ZDHHC11B: variants seen among roughly 807,000 people sequenced by gnomAD.
The protein encoded by ZDHHC11B is probable palmitoyltransferase ZDHHC11B.
Under a neutral mutation model 42.3 loss-of-function variants are expected in ZDHHC11B, and 17 were observed. The observed-to-expected ratio is 0.40, with a 90% confidence interval of 0.27 to 0.60. ZDHHC11B has a LOEUF of 0.60. ZDHHC11B is among the 20% of genes least tolerant of loss of function. The pLI, the probability that ZDHHC11B is intolerant of heterozygous loss-of-function variation, is 0.41. For missense variants in ZDHHC11B, 262 were observed against 463.2 expected (o/e 0.57, Z 3.99); for synonymous variants, 123 against 193.5 (o/e 0.64, Z 3.02).
Position 716,899 on chromosome 5 carries a change from G to A in ZDHHC11B, c.1059-34C>T, listed in dbSNP as rs539902785. Reference sequence around the variant, plus strand: ...AATATTCAGAAAGAGAGACAACAGAGAACGTATGATGTAATACTTGTTATA... The same window carrying A: ...AATATTCAGAAAGAGAGACAACAGAAAACGTATGATGTAATACTTGTTATA... On this transcript the variant is annotated intron_variant, in intron 12 of 13. Transcript: ENST00000508859. 34 of 1,612,364 alleles carry A rather than the reference G, an allele frequency of 2.1e-5. 1 individual carries two copies. The Admixed American group carries it at 4.0e-4, about 19-fold the overall frequency.
chr5:761,210 CAGG>C (rs1322930046), intron 4 of ZDHHC11B, among the ~76,000 whole-genome samples: 4 of 151,882 alleles, frequency 2.6e-5, no homozygotes, highest in Non-Finnish European at 5.9e-5. Flanking sequence ...AGGTGCAATA[CAGG>C]AGGACACCCG....
At chr5:759,962 CG>C (rs1396766603) in intron 4 of ZDHHC11B, among the ~76,000 whole-genome samples, 1 of 151,868 alleles carries the variant, frequency 6.6e-6, no homozygotes, top group East Asian at 1.9e-4. Flanking sequence ...GGAGTGCAGC[CG>C]GGGATGCCGT....
At chr5:715,814 G>C (rs1416764493) in intron 13 of ZDHHC11B, among the ~76,000 whole-genome samples, 46 of 151,416 alleles carry the variant, frequency 3.0e-4, no homozygotes, top group African/African-American at 1.1e-3. Flanking sequence ...GTGCTGGTCA[G>C]GGCTGTGCTG....
chr5:773,477 C>T (rs1736219895), intron 1 of ZDHHC11B, among the ~76,000 whole-genome samples: 1 of 151,524 alleles, frequency 6.6e-6, no homozygotes, highest in Admixed American at 6.6e-5. Context: ...CCTGAACCTC[C>T]AGGGGGTCGC....
intron 9 of ZDHHC11B, among the ~76,000 whole-genome samples, chr5:743,802 T>G (rs1561139970): frequency 6.7e-6 from 1 of 149,896 alleles, no homozygotes; most frequent in African/African-American, 2.5e-5. Flanking sequence ...CTTTTTAGGT[T>G]TCATCGTCTG....
At chr5:737,185 C>T (rs1168459235) in intron 10 of ZDHHC11B, among the ~76,000 whole-genome samples, 2 of 148,720 alleles carry the variant, frequency 1.3e-5, no homozygotes, top group Non-Finnish European at 3.0e-5. Context: ...ATATGAACAC[C>T]GTTATGCACA....
At chr5:754,180 A>G (rs1579365525) in intron 6 of ZDHHC11B, among the ~76,000 whole-genome samples, 2 of 112,400 alleles carry the variant, frequency 1.8e-5, no homozygotes, top group East Asian at 4.8e-4. Flanking sequence ...CAGGGGAAAC[A>G]TCTCTCGTCT....
chr5:727,284 C>G (rs366598), intron 12 of ZDHHC11B, among the ~76,000 whole-genome samples: 27,230 of 101,134 alleles, frequency 0.27, 4,908 homozygotes, highest in African/African-American at 0.36. Flanking sequence ...GCAGGAACTT[C>G]CATCCTCTGC....
intron 6 of ZDHHC11B, among the ~76,000 whole-genome samples, chr5:752,993 C>T (rs1391624726): frequency 4.4e-5 from 2 of 45,694 alleles, no homozygotes; most frequent in African/African-American, 3.4e-4. Context: ...GGGGCCTCCT[C>T]TCCCCGCAGC....
chr5:770,770 T>A (rs1327897548), intron 1 of ZDHHC11B, among the ~76,000 whole-genome samples: 1 of 151,972 alleles, frequency 6.6e-6, no homozygotes, highest in East Asian at 1.9e-4. Flanking sequence ...ACTGCCAGTG[T>A]GCAGGGCTGA....
intron 1 of ZDHHC11B, among the ~76,000 whole-genome samples, chr5:778,056 C>G (rs1318031034): frequency 6.6e-6 from 1 of 151,914 alleles, no homozygotes; most frequent in African/African-American, 2.4e-5. Flanking sequence ...CCGCAGCCAC[C>G]GTAGGACAGA....
intron 10 of ZDHHC11B, among the ~76,000 whole-genome samples, chr5:736,018 C>T (rs1743475029): frequency 6.7e-6 from 1 of 149,746 alleles, no homozygotes; most frequent in Non-Finnish European, 1.5e-5. Flanking sequence ...CTAAAAAATA[C>T]AGAGTGGAAG....
At chr5:773,935 G>C (rs1352414007) in intron 1 of ZDHHC11B, among the ~76,000 whole-genome samples, 2 of 151,950 alleles carry the variant, frequency 1.3e-5, no homozygotes, top group African/African-American at 4.8e-5. Context: ...AAACAGGCTT[G>C]AAGAGGACAG....
intron 11 of ZDHHC11B, chr5:732,711 G>C (rs1252445638): frequency 2.6e-5 from 11 of 428,192 alleles, no homozygotes; most frequent in African/African-American, 2.2e-4. Flanking sequence ...CCAGAAACTG[G>C]CCCCCTCACA....
At chr5:744,121 G>A (rs1350609000) in intron 9 of ZDHHC11B, among the ~76,000 whole-genome samples, 1 of 149,902 alleles carries the variant, frequency 6.7e-6, no homozygotes, top group South Asian at 2.2e-4. Context: ...CTAAGGTGCT[G>A]AGCTGTAGTA....
intron 4 of ZDHHC11B, among the ~76,000 whole-genome samples, chr5:763,655 C>A (rs1200973910): frequency 6.6e-6 from 1 of 151,730 alleles, no homozygotes; most frequent in Non-Finnish European, 1.5e-5. Context: ...GGCACGTGGG[C>A]TCCTGATGTG....
At position 724,638 on chromosome 5, in the gene ZDHHC11B, A is replaced by G. The variant is rs1041958881; in HGVS notation, c.1058+5796T>C. Among the ~76,000 whole-genome samples the G allele has an allele frequency of 4.4e-4, 58 of 133,170 alleles. 2 individuals are homozygous for G. Among genetic ancestry groups the G allele is most frequent in the African/African-American group, 1.6e-3 (55 of 35,028 alleles). The allele number at this position is 133,170 out of a possible 152,430, so 87.4% of individuals were successfully genotyped here. On this transcript the variant is annotated intron_variant, in intron 12 of 13. Coordinates refer to ENST00000508859, the MANE Select transcript of ZDHHC11B (RefSeq NM_001351303.2). ...TGATCTGCTTTCTCGGCCTCCCCAC[A>G]TGCTCCATCTTTTGACCATCAGTTA...
intron 4 of ZDHHC11B, among the ~76,000 whole-genome samples, chr5:759,113 C>T (rs73017594): frequency 0.069 from 10,209 of 147,658 alleles, 173 homozygotes; most frequent in African/African-American, 0.2. Context: ...GAGTAAGTGT[C>T]TCCCTTTCAT....
chr5:712,435 CAG>C (rs1741440617), intron 13 of ZDHHC11B, among the ~76,000 whole-genome samples, 153 bp from the exon 14 acceptor site: 1 of 146,930 alleles, frequency 6.8e-6, no homozygotes, highest in Admixed American at 6.9e-5. Context: ...GGCTTAGACA[CAG>C]AGCCCCACTC....
Sources: allele counts gnomAD v4.1 joint callset (sites outside exome capture counted in the v4.1 genomes callset), GRCh38; gene constraint gnomAD v4.1.1; transcripts MANE v1.5; gene names NCBI Gene and HGNC (gene_info 2026-07-23, HGNC 2026-07-21).